Variants in CAGE1 observed in about 807,000 individuals in gnomAD.
CAGE1 encodes cancer-associated gene 1 protein.
Under a neutral mutation model 94.9 loss-of-function variants are expected in CAGE1, and 66 were observed. That is an observed-to-expected ratio of 0.70 (90% CI 0.57 to 0.85). The LOEUF (loss-of-function observed/expected upper bound fraction) is 0.85, where lower values mean the gene tolerates loss of function less well. Ranked by LOEUF, CAGE1 falls within the 40% of genes least tolerant of loss-of-function variation. The pLI, the probability that CAGE1 is intolerant of heterozygous loss-of-function variation, is 0.00. For synonymous variants in CAGE1, 319 were observed against 321.0 expected (o/e 0.99, Z 0.07); for missense variants, 865 against 950.4 (o/e 0.91, Z 1.18).
intron 10 of CAGE1, among the ~76,000 whole-genome samples, chr6:7,355,700 C>G (rs1759927020): frequency 1.3e-5 from 2 of 152,166 alleles, no homozygotes; most frequent in Admixed American, 1.3e-4. Flanking sequence ...ACAAATATTT[C>G]TGTAAGGCAG....
chr6:7,369,987 T>C lies in CAGE1; in HGVS notation c.1825A>G (p.Arg609Gly), dbSNP rs777371150. The C allele has an allele frequency of 1.2e-6, 2 of 1,613,780 alleles. No homozygotes were observed. Among genetic ancestry groups the C allele is most frequent in the Non-Finnish European group, 8.5e-7 (1 of 1,179,776 alleles). ...ATTTTGGAGGCCAGCTGAGAAGCTC[T>C]TTTTATATCTGCAGGATTCAGCCTC... ...EERLNPADIK[R>G]ASQLASKMHS... Residue 609 changes from arginine to glycine, a missense_variant, in exon 6 of 14, where the codon AGA becomes GGA. Arg to Gly is a moderately radical substitution (Grantham distance 125). Coordinates refer to ENST00000502583, the MANE Select transcript of CAGE1 (RefSeq NM_001170692.2).
intron 11 of CAGE1, among the ~76,000 whole-genome samples, chr6:7,345,222 C>T (rs930875717): frequency 7.4e-5 from 11 of 149,082 alleles, no homozygotes; most frequent in East Asian, 3.9e-4. Flanking sequence ...TTAGTATAAG[C>T]TACCAGCCTA....
At chr6:7,387,252 C>A in intron 1 of CAGE1, 56 bp from the exon 2 acceptor site, 2 of 916,024 alleles carry the variant, frequency 2.2e-6, no homozygotes, top group South Asian at 3.3e-5. Context: ...TTTTCCCTAT[C>A]CCTCTTCTCA....
chr6:7,334,445 C>T (rs1758878673), intron 11 of CAGE1, among the ~76,000 whole-genome samples: 1 of 152,032 alleles, frequency 6.6e-6, no homozygotes, highest in Admixed American at 6.6e-5. Flanking sequence ...AACAAAACTC[C>T]TGGCTAGACA....
rs762571689 is a variant in CAGE1, at chr6:7,373,234, T to A, written c.1585A>T (p.Lys529Ter). Reference protein sequence around the residue: ...LQFMSENERTKNIKLQQQINE... With the variant: ...LQFMSENERT Reference sequence around the variant, plus strand: ...ATTTGCTGCTGAAGTTTTATATTCTTCGTTCTTTCATTTTCAGACATAAAT... The same window carrying A: ...ATTTGCTGCTGAAGTTTTATATTCTACGTTCTTTCATTTTCAGACATAAAT... Residue 529 changes from lysine to a stop codon, truncating the protein, a stop_gained, in exon 5 of 14, where the codon AAG becomes TAG. Coordinates refer to ENST00000502583, the MANE Select transcript of CAGE1 (RefSeq NM_001170692.2). LOFTEE classifies it high-confidence loss of function. The A allele has an allele frequency of 1.9e-6, 3 of 1,608,200 alleles. No individual in the cohort carries two copies. Among genetic ancestry groups the A allele is most frequent in the Non-Finnish European group, 2.5e-6 (3 of 1,176,614 alleles).
At chr6:7,347,003 GA>G (rs1477700372) in intron 11 of CAGE1, among the ~76,000 whole-genome samples, 4 of 152,170 alleles carry the variant, frequency 2.6e-5, no homozygotes, top group African/African-American at 7.2e-5. Context: ...TATACATTAG[GA>G]AAAAATTTTT....
chr6:7,368,370 C>G (rs1056373720), intron 7 of CAGE1, among the ~76,000 whole-genome samples: 1 of 151,818 alleles, frequency 6.6e-6, no homozygotes, highest in Non-Finnish European at 1.5e-5. Flanking sequence ...TCTGTTATTC[C>G]AAAGGATGAA....
At chr6:7,341,704 C>T (rs1759183713) in intron 11 of CAGE1, 2 of 707,298 alleles carry the variant, frequency 2.8e-6, no homozygotes, top group Admixed American at 3.5e-5. Context: ...AAAGTCAAAG[C>T]CACTATAGAA....
intron 11 of CAGE1, among the ~76,000 whole-genome samples, chr6:7,343,978 G>C (rs1047077980): frequency 1.3e-5 from 2 of 152,224 alleles, no homozygotes; most frequent in African/African-American, 4.8e-5. Flanking sequence ...AATGTTGTTT[G>C]GAGCAGGAAC....
At chr6:7,337,088 C>T (rs1014232747) in intron 11 of CAGE1, among the ~76,000 whole-genome samples, 2 of 151,830 alleles carry the variant, frequency 1.3e-5, no homozygotes, top group East Asian at 1.9e-4. Context: ...TTTGGGAGGC[C>T]GAGGTGGGTG....
Position 7,358,242 on chromosome 6 carries a change from AT to A in CAGE1, c.2194-2114del, listed in dbSNP as rs199738615. Reference sequence around the variant, plus strand: ...ACTGATCCACTTTCTGTCATCATAGATTACTTTGTATATTCTAGAATGTTAT... The same window carrying A: ...ACTGATCCACTTTCTGTCATCATAGATACTTTGTATATTCTAGAATGTTAT... On this transcript the variant is annotated intron_variant, in intron 9 of 13. Transcript: ENST00000502583. 2.6e-5 allele frequency among the ~76,000 whole-genome samples: 4 copies of A among 151,260 alleles called. No individual in the cohort carries two copies. In the East Asian group the frequency reaches 5.8e-4, roughly 22 times the overall value.
chr6:7,386,703 C>T (rs1410441320), intron 2 of CAGE1, among the ~76,000 whole-genome samples: 4 of 152,210 alleles, frequency 2.6e-5, no homozygotes, highest in Admixed American at 1.3e-4. Flanking sequence ...TCTCCTGTCT[C>T]AGCCTCCAGA....
intron 4 of CAGE1, 42 bp downstream of exon 4, chr6:7,378,575 C>G: frequency 6.7e-7 from 1 of 1,501,260 alleles, no homozygotes; most frequent in Non-Finnish European, 8.9e-7. Context: ...TAGAACTATT[C>G]TCTTTATCAA....
At chr6:7,356,989 G>T (rs1383779528) in intron 9 of CAGE1, among the ~76,000 whole-genome samples, 4 of 152,024 alleles carry the variant, frequency 2.6e-5, no homozygotes, top group African/African-American at 9.7e-5. Context: ...TCGAGATGGG[G>T]TTTCACCATG....
intron 5 of CAGE1, among the ~76,000 whole-genome samples, chr6:7,370,795 C>T (rs1760515371): frequency 6.6e-6 from 1 of 152,116 alleles, no homozygotes. Context: ...TTCTGGAAAA[C>T]TCCACTGTAC....
intron 11 of CAGE1, among the ~76,000 whole-genome samples, chr6:7,343,198 A>AAAAAAGAAAAGAAAAG (rs574460085): frequency 9.6e-4 from 132 of 137,350 alleles, no homozygotes; most frequent in African/African-American, 3.1e-3. Context: ...CACAAAAAAA[A>AAAAAAGAAAAGAAAAG]AAAAGAAAAG....
intron 11 of CAGE1, among the ~76,000 whole-genome samples, chr6:7,349,897 C>T (rs1759704092): frequency 6.7e-6 from 1 of 148,804 alleles, no homozygotes. Context: ...CACTGTTGCA[C>T]TCCAGCCTGG....
At chr6:7,345,560 A>G (rs1283064657) in intron 11 of CAGE1, among the ~76,000 whole-genome samples, 2 of 152,202 alleles carry the variant, frequency 1.3e-5, no homozygotes, top group East Asian at 1.9e-4. Context: ...GTTTTCTTTC[A>G]GCCTTTTAGA....
intron 3 of CAGE1, among the ~76,000 whole-genome samples, chr6:7,381,604 T>C (rs1416842154): frequency 6.7e-6 from 1 of 150,238 alleles, no homozygotes; most frequent in Non-Finnish European, 1.5e-5. Context: ...TCTCGGCTCA[T>C]TGCAACCTCC....
Sources: gnomAD v4.1 joint callset for allele counts (sites outside exome capture counted in the v4.1 genomes callset) on GRCh38, gnomAD v4.1.1 for gene constraint, MANE v1.5 for transcripts, NCBI Gene and HGNC (gene_info 2026-07-23, HGNC 2026-07-21) for gene names.